The following HDAC9 variants were observed in gnomAD, a reference collection of about 807,000 sequenced individuals.
HDAC9 encodes histone deacetylase 9.
In HDAC9, 41 loss-of-function variants were observed where a neutral mutation model predicts 139.4. The observed-to-expected ratio is 0.29, with a 90% CI of 0.23 to 0.38. The LOEUF (loss-of-function observed/expected upper bound fraction) is 0.38. HDAC9 is among the 10% of genes least tolerant of loss of function. The probability of loss-of-function intolerance (pLI) is 1.00; values close to 1 mark genes in which losing one functional copy is unlikely to be tolerated. For missense variants in HDAC9, 1,147 were observed against 1,297.0 expected, an observed-to-expected ratio of 0.88 and a Z score of 1.78; for synonymous variants, 517 against 476.2, an observed-to-expected ratio of 1.09 and a Z score of -1.12.
At chr7:18,192,124 C>T (rs1420302878) in intron 2 of HDAC9, among the ~76,000 whole-genome samples, 4 of 151,960 alleles carry the variant, frequency 2.6e-5, no homozygotes, top group African/African-American at 7.2e-5. Context: ...GGCCGGGGGG[C>T]GGGGGGGTGT....
At chr7:18,995,990 T>C (rs1171398624) in intron 25 of HDAC9, 33 bp from the exon 26 acceptor site, 3 of 1,553,046 alleles carry the variant, frequency 1.9e-6, no homozygotes, top group South Asian at 1.2e-5. Context: ...TGTACTCTTA[T>C]GCCGTATTCT....
intron 19 of HDAC9, 79 bp from the exon 20 acceptor site, chr7:18,835,388 G>A: frequency 1.4e-6 from 2 of 1,406,312 alleles, no homozygotes; most frequent in Middle Eastern, 2.2e-4. Context: ...AGAAAGACAG[G>A]GAACTAGAAA....
chr7:18,113,838 CTT>C (rs1266537754), intron 1 of HDAC9, among the ~76,000 whole-genome samples: 10 of 152,124 alleles, frequency 6.6e-5, no homozygotes, highest in Admixed American at 6.5e-4. Context: ...CATTTCAAAT[CTT>C]TTCAGATCTA....
intron 1 of HDAC9, among the ~76,000 whole-genome samples, chr7:18,454,436 G>C (rs1033504665): frequency 2.0e-5 from 3 of 152,028 alleles, no homozygotes; most frequent in Admixed American, 1.3e-4. Context: ...CCTATGTAAG[G>C]CTACTGTGGC....
intron 1 of HDAC9, among the ~76,000 whole-genome samples, chr7:18,099,832 C>G (rs547592997): frequency 6.6e-6 from 1 of 152,302 alleles, no homozygotes; most frequent in South Asian, 2.1e-4. Flanking sequence ...AAAGCCCTTA[C>G]TACATTCGTA....
chr7:18,166,047 G>A (rs1787990839), intron 2 of HDAC9, among the ~76,000 whole-genome samples: 1 of 152,112 alleles, frequency 6.6e-6, no homozygotes, highest in Admixed American at 6.6e-5. Flanking sequence ...CAGCCTGAAC[G>A]TTTTTAAATA....
intron 2 of HDAC9, among the ~76,000 whole-genome samples, chr7:18,268,267 T>C (rs188472021): frequency 7.9e-4 from 121 of 152,310 alleles, no homozygotes; most frequent in Non-Finnish European, 1.3e-3. Flanking sequence ...GTCCATGTTT[T>C]ATTGACACAC....
chr7:18,439,658 A>T (rs951339586), intron 1 of HDAC9, among the ~76,000 whole-genome samples: 1 of 152,240 alleles, frequency 6.6e-6, no homozygotes, highest in Non-Finnish European at 1.5e-5. Flanking sequence ...GTAGTTTGAG[A>T]AATCAATTTA....
chr7:18,155,573 C>G (rs946608827), intron 1 of HDAC9, among the ~76,000 whole-genome samples: 1 of 152,162 alleles, frequency 6.6e-6, no homozygotes, highest in African/African-American at 2.4e-5. Flanking sequence ...ACTAACCTCC[C>G]AAGCTGCGTT....
chr7:18,362,591 T>A (rs1006710081), intron 1 of HDAC9, among the ~76,000 whole-genome samples: 1 of 152,134 alleles, frequency 6.6e-6, no homozygotes, highest in Non-Finnish European at 1.5e-5. Flanking sequence ...CTTTAAAAAA[T>A]AAGCAAAAAT....
intron 2 of HDAC9, among the ~76,000 whole-genome samples, chr7:18,207,228 T>G (rs1791588442): frequency 6.6e-6 from 1 of 152,080 alleles, no homozygotes; most frequent in African/African-American, 2.4e-5. Context: ...CATGAGCCAC[T>G]GCAACTGGCC....
intron 2 of HDAC9, among the ~76,000 whole-genome samples, chr7:18,564,868 C>G (rs1391144322): frequency 2.0e-5 from 3 of 151,880 alleles, no homozygotes; most frequent in African/African-American, 7.3e-5. Context: ...TCTACTTGCC[C>G]TTATTTTAAA....
At chr7:18,481,269 G>C (rs1795527038) in intron 1 of HDAC9, among the ~76,000 whole-genome samples, 1 of 152,092 alleles carries the variant, frequency 6.6e-6, no homozygotes, top group Non-Finnish European at 1.5e-5. Flanking sequence ...TGAACAGTTT[G>C]CTTATAATCC....
chr7:18,835,827 T>C, intron 20 of HDAC9, 73 bp from the exon 21 acceptor site: 1 of 1,100,720 alleles, frequency 9.1e-7, no homozygotes, highest in Non-Finnish European at 1.3e-6. Flanking sequence ...CCCATGTGCT[T>C]GTTTTCCTCT....
intron 1 of HDAC9, among the ~76,000 whole-genome samples, chr7:18,101,810 A>T (rs1340640126): frequency 6.6e-6 from 1 of 152,236 alleles, no homozygotes; most frequent in Non-Finnish European, 1.5e-5. Context: ...AATAATTTAC[A>T]TGCTTTTAAG....
At chr7:18,755,181 G>A (rs1275789668) in intron 14 of HDAC9, among the ~76,000 whole-genome samples, 1 of 152,106 alleles carries the variant, frequency 6.6e-6, no homozygotes. Flanking sequence ...AGTAAACCAG[G>A]CTACATTGTC....
chr7:18,291,212 T>C (rs1360143696), intron 1 of HDAC9, among the ~76,000 whole-genome samples: 1 of 152,138 alleles, frequency 6.6e-6, no homozygotes, highest in Non-Finnish European at 1.5e-5. Flanking sequence ...TAGAGAAATA[T>C]TATTACATAA....
chr7:18,316,451 A>C (rs1210715959), intron 1 of HDAC9, among the ~76,000 whole-genome samples: 2 of 152,056 alleles, frequency 1.3e-5, no homozygotes, highest in African/African-American at 2.4e-5. Flanking sequence ...TTTGTGCTGC[A>C]TTGTGACAAA....
rs765460517 is a variant in HDAC9, at chr7:18,835,588, T to A, written c.2586+2T>A. The A allele has an allele frequency of 6.2e-7, 1 of 1,613,576 alleles. No individual in the cohort carries two copies. ...CCTGGCAGTGGAGCCCCAAATGAGG[T>A]TCGGTTTATTTCTTTAGAGCCCCAC... On this transcript the variant is annotated splice_donor_variant, in intron 20 of 25. Transcript: ENST00000686413. LOFTEE classifies it high-confidence loss of function.
Sources: allele counts gnomAD v4.1 joint callset (sites outside exome capture counted in the v4.1 genomes callset), GRCh38; gene constraint gnomAD v4.1.1; transcripts MANE v1.5; gene names NCBI Gene and HGNC (gene_info 2026-07-23, HGNC 2026-07-21).